Variants in DMRT1 observed in about 807,000 individuals in gnomAD.
DMRT1 encodes doublesex and mab-3 related transcription factor 1.
A neutral mutation model predicts 32.3 loss-of-function variants in DMRT1; 7 were observed. The observed-to-expected ratio is 0.22, with a 90% CI of 0.12 to 0.41. The LOEUF is 0.41. Ranked by LOEUF, DMRT1 falls within the 10% of genes least tolerant of loss-of-function variation. DMRT1 has a pLI of 1.00. For synonymous variants in DMRT1, 278 were observed against 206.1 expected, an observed-to-expected ratio of 1.35 and a Z score of -2.99; for missense variants, 625 against 500.5, an observed-to-expected ratio of 1.25 and a Z score of -2.37.
At chr9:862,889 C>T (rs10977191) in intron 2 of DMRT1, among the ~76,000 whole-genome samples, 79,692 of 151,594 alleles carry the variant, frequency 0.53, 21,579 homozygotes, top group East Asian at 0.65. Flanking sequence ...GCCCTAATCC[C>T]TGCAACCTGT....
At chr9:948,520 C>A (rs1347264861) in intron 4 of DMRT1, among the ~76,000 whole-genome samples, 1 of 152,132 alleles carries the variant, frequency 6.6e-6, no homozygotes, top group Non-Finnish European at 1.5e-5. Flanking sequence ...ATCCTCTCCA[C>A]AGCCTGTTGG....
chr9:907,770 T>C (rs945347579), intron 3 of DMRT1, among the ~76,000 whole-genome samples: 4 of 152,194 alleles, frequency 2.6e-5, no homozygotes, highest in Non-Finnish European at 5.9e-5. Context: ...TCTCTTTTAT[T>C]CTGTTCTGTT....
At chr9:954,261 G>A (rs968222335) in intron 4 of DMRT1, among the ~76,000 whole-genome samples, 2 of 152,138 alleles carry the variant, frequency 1.3e-5, no homozygotes, top group Non-Finnish European at 2.9e-5. Flanking sequence ...TGTCAGAGAC[G>A]TGCTTTTGGA....
intron 4 of DMRT1, among the ~76,000 whole-genome samples, chr9:963,933 C>G (rs1381554726): frequency 6.6e-6 from 1 of 152,244 alleles, no homozygotes; most frequent in Non-Finnish European, 1.5e-5. Context: ...TTTTGTTTGT[C>G]TGCCTTGGCA....
intron 4 of DMRT1, among the ~76,000 whole-genome samples, chr9:967,729 G>T (rs1030470643): frequency 6.6e-6 from 1 of 152,148 alleles, no homozygotes; most frequent in Non-Finnish European, 1.5e-5. Flanking sequence ...TTTAATGAAC[G>T]TTAAACTGGA....
chr9:909,146 G>T (rs879490628), intron 3 of DMRT1, among the ~76,000 whole-genome samples: 10 of 152,106 alleles, frequency 6.6e-5, no homozygotes, highest in African/African-American at 1.2e-4. Flanking sequence ...AGGAGAGGAA[G>T]GGAGCAAAGG....
At chr9:919,355 A>C (rs1461125625) in intron 4 of DMRT1, among the ~76,000 whole-genome samples, 1 of 128,740 alleles carries the variant, frequency 7.8e-6, no homozygotes, top group African/African-American at 2.9e-5. Flanking sequence ...AATGAACCCA[A>C]GTTCAGTGTC....
intron 4 of DMRT1, among the ~76,000 whole-genome samples, chr9:943,454 C>T (rs1218346065): frequency 6.6e-6 from 1 of 152,172 alleles, no homozygotes; most frequent in Non-Finnish European, 1.5e-5. Flanking sequence ...TGAGAGTTGG[C>T]ACCAGGGGCA....
intron 3 of DMRT1, among the ~76,000 whole-genome samples, chr9:908,689 C>T (rs1007150715): frequency 6.6e-6 from 1 of 152,014 alleles, no homozygotes; most frequent in Non-Finnish European, 1.5e-5. Context: ...AAACTCCACC[C>T]ACACTTTTTC....
chr9:926,125 T>TA (rs1488023674), intron 4 of DMRT1, among the ~76,000 whole-genome samples: 1 of 151,818 alleles, frequency 6.6e-6, no homozygotes, highest in Non-Finnish European at 1.5e-5. Context: ...ACTGTCACAG[T>TA]AAAAAAACTC....
At chr9:845,546 T>C (rs187498376) in intron 1 of DMRT1, among the ~76,000 whole-genome samples, 1 of 152,278 alleles carries the variant, frequency 6.6e-6, no homozygotes, top group East Asian at 1.9e-4. Context: ...AGAGGGACCA[T>C]GAAGAGCTTC....
At chr9:861,224 G>C (rs1815651107) in intron 2 of DMRT1, among the ~76,000 whole-genome samples, 1 of 152,054 alleles carries the variant, frequency 6.6e-6, no homozygotes, top group South Asian at 2.1e-4. Flanking sequence ...GTCTTCTGCA[G>C]TGTTTGTGTC....
intron 2 of DMRT1, among the ~76,000 whole-genome samples, chr9:880,033 A>C (rs1234133547): frequency 6.6e-6 from 1 of 152,208 alleles, no homozygotes; most frequent in Non-Finnish European, 1.5e-5. Flanking sequence ...TGAAAACTCA[A>C]ATTTCGGCAA....
chr9:913,656 A>G (rs957780931), intron 3 of DMRT1, among the ~76,000 whole-genome samples: 20 of 150,562 alleles, frequency 1.3e-4, no homozygotes, highest in African/African-American at 4.4e-4. Flanking sequence ...GCACTTTGGG[A>G]TGCCGAGGCG....
rs552423291 is a variant in DMRT1, at chr9:862,406, C to T, written c.538+15263C>T. 6.6e-5 allele frequency among the ~76,000 whole-genome samples: 10 copies of T among 150,766 alleles called. No homozygotes were observed. The South Asian group carries it at 1.9e-3, about 29-fold the overall frequency. ...GTCCCAGGCACGCGGCAGGCTGAGG[C>T]AGGAGAATCAGGCAGGGAGGCTGCA... On this transcript the variant is annotated intron_variant, in intron 2 of 4. Transcript: ENST00000382276.
At chr9:846,862 G>C (rs1838926959) in intron 1 of DMRT1, 98 bp from the exon 2 acceptor site, 2 of 1,423,186 alleles carry the variant, frequency 1.4e-6, no homozygotes, top group Non-Finnish European at 2.0e-6. Flanking sequence ...CACCTCCAGA[G>C]CTAGTGAATC....
chr9:915,115 T>C (rs1030487292), intron 3 of DMRT1, among the ~76,000 whole-genome samples: 3 of 152,228 alleles, frequency 2.0e-5, no homozygotes, highest in African/African-American at 7.2e-5. Context: ...ACAGAATTGG[T>C]TTATCTTGAA....
chr9:870,553 T>A (rs1218513566), intron 2 of DMRT1, among the ~76,000 whole-genome samples: 1 of 152,132 alleles, frequency 6.6e-6, no homozygotes, highest in Non-Finnish European at 1.5e-5. Flanking sequence ...AGCCACAGCA[T>A]TGTAGTCTCT....
intron 4 of DMRT1, among the ~76,000 whole-genome samples, chr9:930,452 C>T (rs1022898975): frequency 1.3e-5 from 2 of 151,822 alleles, no homozygotes; most frequent in African/African-American, 4.8e-5. Context: ...CGCTCTGTCG[C>T]CCAGGCTGGA....
Sources: gnomAD v4.1 joint callset for allele counts (sites outside exome capture counted in the v4.1 genomes callset) on GRCh38, gnomAD v4.1.1 for gene constraint, MANE v1.5 for transcripts, NCBI Gene and HGNC (gene_info 2026-07-23, HGNC 2026-07-21) for gene names.